Variants in SDK1 observed in about 807,000 individuals in gnomAD.
The protein encoded by SDK1 is protein sidekick-1.
In SDK1, 157 loss-of-function variants were observed where a neutral mutation model predicts 245.5. The observed-to-expected ratio is 0.64, with a 90% confidence interval of 0.56 to 0.73. SDK1 has a LOEUF of 0.73. SDK1 is among the 30% of genes least tolerant of loss of function. The pLI, the probability that SDK1 is intolerant of heterozygous loss-of-function variation, is 0.00. For missense variants in SDK1, 3,583 were observed against 3,002.3 expected, an observed-to-expected ratio of 1.19 and a Z score of -4.52; for synonymous variants, 1,647 against 1,278.5, an observed-to-expected ratio of 1.29 and a Z score of -6.15.
rs1191005646 is a variant in SDK1 at position 4,264,504 on chromosome 7, C to T, written c.6382-620C>T. Among the ~76,000 whole-genome samples, 19 of 126,426 alleles carry T rather than the reference C, an allele frequency of 1.5e-4. No individual in the cohort carries two copies. The South Asian group carries it at 1.8e-3, about 12-fold the overall frequency. The allele number at this position is 126,426 out of a possible 152,430, so 82.9% of individuals were successfully genotyped here. ...TGGACCTCTCCTGAGTGAGGGAGGC[C>T]GCGTGGACCTCTCCTGAGTGAGGGA... On this transcript the variant is annotated intron_variant, in intron 44 of 44. Coordinates refer to ENST00000404826, the MANE Select transcript of SDK1 (RefSeq NM_152744.4).
At chr7:4,110,513 G>C (rs953489421) in intron 22 of SDK1, 150 bp from the exon 23 acceptor site, 4 of 625,920 alleles carry the variant, frequency 6.4e-6, no homozygotes, top group African/African-American at 5.5e-5. Flanking sequence ...AGGCACAAGA[G>C]GGGGTTGTGC....
At chr7:3,834,278 A>T (rs1779982002) in intron 5 of SDK1, among the ~76,000 whole-genome samples, 1 of 152,210 alleles carries the variant, frequency 6.6e-6, no homozygotes, top group South Asian at 2.1e-4. Context: ...ATCAGGCATT[A>T]CGCTTGATGC....
intron 35 of SDK1, among the ~76,000 whole-genome samples, chr7:4,187,769 TG>T (rs1379634483): frequency 6.6e-6 from 1 of 152,210 alleles, no homozygotes; most frequent in Non-Finnish European, 1.5e-5. Context: ...AACGTTTTTA[TG>T]GTGTGAATGT....
In SDK1 at chr7:4,268,399, G is replaced by A; in HGVS notation, c.*3015G>A. The stretch of plus-strand genomic sequence containing the variant: ...GCCACCTTCTGGGTGAATCGGTCCA[G>A]CCCAAGCCCCTCTCCCCAGCCTCGC... On this transcript the variant is annotated 3_prime_UTR_variant, in exon 45 of 45. Transcript: ENST00000404826. 9.0e-7 allele frequency: 1 copy of A among 1,116,068 alleles called. No individual in the cohort carries two copies. The allele number at this position is 1,116,068 out of a possible 1,614,324, so 69.1% of individuals were successfully genotyped here.
intron 22 of SDK1, among the ~76,000 whole-genome samples, chr7:4,095,827 G>A (rs1275647545): frequency 6.6e-6 from 1 of 152,212 alleles, no homozygotes; most frequent in African/African-American, 2.4e-5. Flanking sequence ...GCCCGCTTCG[G>A]CCTCCCAAAG....
intron 25 of SDK1, among the ~76,000 whole-genome samples, chr7:4,125,611 C>G (rs994773650): frequency 2.0e-5 from 3 of 152,128 alleles, no homozygotes; most frequent in Admixed American, 2.0e-4. Flanking sequence ...ATGTGTGCAT[C>G]CTGCTGTTCT....
At chr7:3,692,620 G>C (rs1784466359) in intron 4 of SDK1, among the ~76,000 whole-genome samples, 2 of 151,546 alleles carry the variant, frequency 1.3e-5, no homozygotes, top group African/African-American at 4.9e-5. Flanking sequence ...ATAAACTCTT[G>C]GCTACATGTT....
At chr7:4,257,400 ACT>A (rs1330227516) in intron 44 of SDK1, among the ~76,000 whole-genome samples, 12 of 152,140 alleles carry the variant, frequency 7.9e-5, no homozygotes, top group Admixed American at 5.9e-4. Context: ...CCAAAAACAG[ACT>A]CTGCAGCATT....
intron 1 of SDK1, among the ~76,000 whole-genome samples, chr7:3,608,283 G>A (rs1339690173): frequency 3.3e-5 from 5 of 152,186 alleles, no homozygotes; most frequent in African/African-American, 1.2e-4. Context: ...ACGCCAAAAT[G>A]TGCCGGTTGT....
At chr7:3,443,700 A>G (rs1191698340) in intron 1 of SDK1, among the ~76,000 whole-genome samples, 2 of 152,190 alleles carry the variant, frequency 1.3e-5, no homozygotes, top group Non-Finnish European at 2.9e-5. Flanking sequence ...GGGAAACTGA[A>G]TTTGTTAAAT....
At chr7:3,484,980 G>A (rs10215438) in intron 1 of SDK1, among the ~76,000 whole-genome samples, 88,189 of 152,060 alleles carry the variant, frequency 0.58, 25,922 homozygotes, top group South Asian at 0.77. Context: ...CAGGTCATCT[G>A]TTTGATAGAC....
intron 1 of SDK1, among the ~76,000 whole-genome samples, chr7:3,307,604 G>C (rs1326722588): frequency 6.6e-6 from 1 of 152,178 alleles, no homozygotes; most frequent in Non-Finnish European, 1.5e-5. Context: ...CTGACAGAAA[G>C]CTCCAAAGCC....
At chr7:3,716,130 A>T (rs1225528510) in intron 4 of SDK1, among the ~76,000 whole-genome samples, 1 of 149,884 alleles carries the variant, frequency 6.7e-6, no homozygotes, top group Non-Finnish European at 1.5e-5. Flanking sequence ...AAAAAAAAAA[A>T]TGAACAGAGG....
chr7:4,227,634 C>G (rs1283293641), intron 40 of SDK1, among the ~76,000 whole-genome samples: 1 of 152,210 alleles, frequency 6.6e-6, no homozygotes, highest in African/African-American at 2.4e-5. Context: ...AAATCTCAGG[C>G]AGTGAATGAC....
chr7:3,926,411 T>A (rs1779769458), intron 5 of SDK1, among the ~76,000 whole-genome samples: 2 of 152,234 alleles, frequency 1.3e-5, no homozygotes, highest in African/African-American at 4.8e-5. Flanking sequence ...GTTTCTATTG[T>A]CTTTTCTCCA....
intron 1 of SDK1, among the ~76,000 whole-genome samples, chr7:3,595,897 A>G (rs1397550964): frequency 6.8e-6 from 1 of 147,146 alleles, no homozygotes; most frequent in Non-Finnish European, 1.5e-5. Context: ...TATGTTGTCT[A>G]GTTACTAGTC....
At chr7:3,446,828 G>C (rs903163614) in intron 1 of SDK1, among the ~76,000 whole-genome samples, 14 of 152,092 alleles carry the variant, frequency 9.2e-5, no homozygotes, top group African/African-American at 2.9e-4. Context: ...CAGTCAAGTG[G>C]GTTTGCTTTG....
At chr7:3,326,546 A>G (rs1779945332) in intron 1 of SDK1, among the ~76,000 whole-genome samples, 1 of 152,140 alleles carries the variant, frequency 6.6e-6, no homozygotes, top group African/African-American at 2.4e-5. Flanking sequence ...GCTGGCTCAT[A>G]CAGTATGTCT....
chr7:3,583,767 G>C (rs939272703), intron 1 of SDK1, among the ~76,000 whole-genome samples: 6 of 151,506 alleles, frequency 4.0e-5, no homozygotes, highest in African/African-American at 1.5e-4. Context: ...CCTGCTTGCA[G>C]GGTCCTGTGA....
Sources: gnomAD v4.1 joint callset for allele counts (sites outside exome capture counted in the v4.1 genomes callset) on GRCh38, gnomAD v4.1.1 for gene constraint, MANE v1.5 for transcripts, NCBI Gene and HGNC (gene_info 2026-07-23, HGNC 2026-07-21) for gene names.